The following SLC25A13 variants were observed in gnomAD, a reference collection of about 807,000 sequenced individuals.
SLC25A13 encodes electrogenic aspartate/glutamate antiporter SLC25A13, mitochondrial.
Under a neutral mutation model 85.5 loss-of-function variants are expected in SLC25A13, and 70 were observed. That is an observed-to-expected ratio of 0.82 (90% CI 0.68 to 1.00). The LOEUF (loss-of-function observed/expected upper bound fraction) is 1.00, where lower values mean the gene tolerates loss of function less well. Ranked by LOEUF, SLC25A13 falls within the 50% of genes least tolerant of loss-of-function variation. SLC25A13 has a pLI of 0.00. For synonymous variants in SLC25A13, 259 were observed against 288.7 expected, an observed-to-expected ratio of 0.90 and a Z score of 1.04; for missense variants, 765 against 819.8, an observed-to-expected ratio of 0.93 and a Z score of 0.82.
intron 14 of SLC25A13, among the ~76,000 whole-genome samples, chr7:96,144,050 T>C (rs1373796651): frequency 6.6e-6 from 1 of 152,148 alleles, no homozygotes; most frequent in Non-Finnish European, 1.5e-5. Flanking sequence ...CAGAAAAGCT[T>C]TATTACTAAA....
chr7:96,159,107 G>A (rs1322662198), intron 13 of SLC25A13, among the ~76,000 whole-genome samples: 1 of 152,192 alleles, frequency 6.6e-6, no homozygotes, highest in Non-Finnish European at 1.5e-5. Context: ...AGCTGGCAAA[G>A]ATGAGGTGGC....
chr7:96,137,081 C>T (rs1792318350), intron 14 of SLC25A13, among the ~76,000 whole-genome samples: 1 of 152,172 alleles, frequency 6.6e-6, no homozygotes, highest in Admixed American at 6.5e-5. Context: ...TTGGCTTCCC[C>T]CAAGCAAGTT....
intron 14 of SLC25A13, among the ~76,000 whole-genome samples, chr7:96,140,769 G>C (rs973284052): frequency 9.9e-6 from 1 of 101,158 alleles, no homozygotes; most frequent in South Asian, 3.0e-4. Flanking sequence ...TTTTTTTTTT[G>C]CTAATAGCTA....
chr7:96,183,060 C>T (rs940442903), intron 11 of SLC25A13, among the ~76,000 whole-genome samples: 2 of 152,170 alleles, frequency 1.3e-5, no homozygotes, highest in Admixed American at 1.3e-4. Flanking sequence ...GGAAGAAAAG[C>T]ATTTCAAATG....
chr7:96,268,881 T>C (rs1333363170), intron 3 of SLC25A13, among the ~76,000 whole-genome samples: 2 of 152,170 alleles, frequency 1.3e-5, no homozygotes, highest in Non-Finnish European at 2.9e-5. Context: ...TCCCTCTGCC[T>C]GCAACTCTCT....
At chr7:96,140,655 G>A (rs1305943943) in intron 14 of SLC25A13, among the ~76,000 whole-genome samples, 1 of 151,730 alleles carries the variant, frequency 6.6e-6, no homozygotes, top group African/African-American at 2.4e-5. Flanking sequence ...TGCCCGCATC[G>A]GTCTCCCACA....
rs112620146 is a variant in SLC25A13 at position 96,299,644 on chromosome 7, T to C, written c.16-2693A>G. 3.3e-3 allele frequency among the ~76,000 whole-genome samples: 500 copies of C among 152,340 alleles called. 1 individual carries two copies. The highest frequency in any genetic ancestry group is 0.011 in the African/African-American group (467 of 41,584). ...CCACATTACAGGCAGCTTCAAAGTG[T>C]TGATAACTTGCATTAGCTGGCAATA... On this transcript the variant is annotated intron_variant, in intron 1 of 17. Transcript: ENST00000265631.
At chr7:96,297,524 G>A (rs1799391425) in intron 1 of SLC25A13, among the ~76,000 whole-genome samples, 1 of 151,996 alleles carries the variant, frequency 6.6e-6, no homozygotes, top group South Asian at 2.1e-4. Context: ...AGTAGAGATA[G>A]GGTTTCACCA....
chr7:96,179,772 A>G (rs775539418), intron 11 of SLC25A13, among the ~76,000 whole-genome samples: 5 of 152,226 alleles, frequency 3.3e-5, no homozygotes, highest in Non-Finnish European at 7.3e-5. Flanking sequence ...CAGTTCACAG[A>G]TTAACTATGG....
chr7:96,285,936 A>G (rs183318325), intron 2 of SLC25A13, among the ~76,000 whole-genome samples: 290 of 152,290 alleles, frequency 1.9e-3, no homozygotes, highest in Non-Finnish European at 2.7e-3. Context: ...TTTAACTTCT[A>G]CATCTAGATG....
At chr7:96,131,692 G>C (rs765534313) in intron 15 of SLC25A13, 51 bp downstream of exon 15, 10 of 1,611,474 alleles carry the variant, frequency 6.2e-6, no homozygotes, top group Non-Finnish European at 8.5e-6. Context: ...AGCTAGGGAA[G>C]GGGGGCAGCA....
At chr7:96,137,950 G>C (rs1009369885) in intron 14 of SLC25A13, among the ~76,000 whole-genome samples, 2 of 152,090 alleles carry the variant, frequency 1.3e-5, no homozygotes, top group African/African-American at 4.8e-5. Flanking sequence ...CCTTACTTTG[G>C]CTGAAGTTTT....
intron 1 of SLC25A13, among the ~76,000 whole-genome samples, chr7:96,311,426 T>TA (rs1799944221): frequency 6.6e-6 from 1 of 152,074 alleles, no homozygotes; most frequent in Admixed American, 6.6e-5. Context: ...TTGCAGGAAA[T>TA]ACTGAGGCCA....
chr7:96,222,881 G>T (rs1456117764), intron 4 of SLC25A13, among the ~76,000 whole-genome samples: 1 of 152,032 alleles, frequency 6.6e-6, no homozygotes, highest in East Asian at 1.9e-4. Context: ...AAACCAAAAG[G>T]CATCCAAAAA....
In SLC25A13 at chr7:96,146,588, CGACA is replaced by C. The variant is rs773624358; in HGVS notation, c.1416_1419del (p.Val473CysfsTer34). 3.1e-6 allele frequency: 5 copies of C among 1,613,210 alleles called. No individual in the cohort carries two copies. The highest frequency in any genetic ancestry group is 4.2e-6 in the Non-Finnish European group (5 of 1,179,896). On this transcript the variant is annotated frameshift_variant, in exon 14 of 18. Coordinates refer to ENST00000265631, the MANE Select transcript of SLC25A13 (RefSeq NM_014251.3). LOFTEE classifies it high-confidence loss of function. ...ATCCCAAAAAACCCCAGGTCCCGCA[CGACA>C]GACAGAGCACTGACTCGAGGACCAG...
rs192977609 is a variant in SLC25A13 at position 96,243,699 on chromosome 7, G to A, written c.213-8782C>T. Among the ~76,000 whole-genome samples, 484 of 152,254 alleles carry A rather than the reference G, an allele frequency of 3.2e-3. 1 individual carries two copies. Among genetic ancestry groups the A allele is most frequent in the Non-Finnish European group, 5.3e-3 (361 of 68,020 alleles). On this transcript the variant is annotated intron_variant, in intron 3 of 17. Coordinates refer to ENST00000265631, the MANE Select transcript of SLC25A13 (RefSeq NM_014251.3). Reference sequence around the variant, plus strand: ...GGTATTGAGATCTGAATGGTGAAAAGCAGCGGCCAGGAAAAGAGTTGGAGG... The same window carrying A: ...GGTATTGAGATCTGAATGGTGAAAAACAGCGGCCAGGAAAAGAGTTGGAGG...
chr7:96,297,984 A>G (rs1429665203), intron 1 of SLC25A13, among the ~76,000 whole-genome samples: 1 of 152,184 alleles, frequency 6.6e-6, no homozygotes, highest in Non-Finnish European at 1.5e-5. Context: ...AGGCCAACAC[A>G]AAAGAGCCCT....
chr7:96,154,269 G>A lies in SLC25A13; in HGVS notation c.1312-7573C>T, dbSNP rs145298459. Among the ~76,000 whole-genome samples the A allele has an allele frequency of 1.3e-4, 20 of 150,160 alleles. No individual in the cohort carries two copies. The East Asian group carries it at 3.7e-3, about 28-fold the overall frequency. ...TAGATAAATGGAAAGATCCAAATAC[G>A]TAGAGTCACAGAGTCACTGAGTGTC... On this transcript the variant is annotated intron_variant, in intron 13 of 17. Transcript: ENST00000265631.
At chr7:96,313,664 T>C (rs1420124690) in intron 1 of SLC25A13, among the ~76,000 whole-genome samples, 5 of 152,166 alleles carry the variant, frequency 3.3e-5, no homozygotes, top group Admixed American at 2.0e-4. Context: ...GGTACTATGC[T>C]CAGTACCTGG....
Sources: gnomAD v4.1 joint callset for allele counts (sites outside exome capture counted in the v4.1 genomes callset) on GRCh38, gnomAD v4.1.1 for gene constraint, MANE v1.5 for transcripts, NCBI Gene and HGNC (gene_info 2026-07-23, HGNC 2026-07-21) for gene names.